GALNT15: variants seen among roughly 807,000 people sequenced by gnomAD.
GALNT15 encodes UDP-GalNAc transferase T15.
GALNT15 carries 67 observed loss-of-function variants against 66.8 expected under a neutral mutation model. The ratio of observed to expected loss-of-function variants is 1.00; its 90% CI spans 0.82 to 1.23. The LOEUF is 1.23. Among genes scored for constraint, GALNT15 ranks in the 50% most tolerant of loss-of-function variants. GALNT15 has a pLI of 0.00. For missense variants in GALNT15, 827 were observed against 804.3 expected, an observed-to-expected ratio of 1.03 and a Z score of -0.34; for synonymous variants, 313 against 311.5, an observed-to-expected ratio of 1.00 and a Z score of -0.05.
chr3:16,200,566 C>A lies in GALNT15; in HGVS notation c.707-53C>A. 7.2e-7 allele frequency: 1 copy of A among 1,383,658 alleles called. No individual in the cohort carries two copies. The highest frequency in any genetic ancestry group is 9.7e-7 in the Non-Finnish European group (1 of 1,031,050). The allele number at this position is 1,383,658 out of a possible 1,614,324, so 85.7% of individuals were successfully genotyped here. A position where few individuals can be genotyped will look rare whatever the true frequency, so the allele number is the denominator to read the frequency against. On this transcript the variant is annotated intron_variant, in intron 2 of 9. Transcript: ENST00000339732. The surrounding 1 kb of genome is among the most constrained non-coding windows in gnomAD (Gnocchi z 4.4). Reference sequence around the variant, plus strand: ...TGCTGACGATTGTCTTAGTCACAATCTCATCGGTTGTGGCATTTGTCATTC... The same window carrying A: ...TGCTGACGATTGTCTTAGTCACAATATCATCGGTTGTGGCATTTGTCATTC...
At chr3:16,244,957 T>G in the GALNT15 span, among the ~76,000 whole-genome samples, 4 of 152,202 alleles carry the variant, frequency 2.6e-5, no homozygotes, top group Non-Finnish European at 5.9e-5. Context: ...TCAGATCCCC[T>G]GAGCCCTGTG....
rs1299176297 is a variant in GALNT15 at position 16,224,998 on chromosome 3, A to G, written c.1773+2240A>G. ...AGAGACTGGGTAATTTATAAGAAAA[A>G]AGGTGTAATTGGCTCATGGTTCTGC... is the stretch of plus-strand genomic sequence containing the variant. On this transcript the variant is annotated intron_variant, in intron 9 of 9. Coordinates refer to ENST00000339732, the MANE Select transcript of GALNT15 (RefSeq NM_054110.5). The surrounding 1 kb of genome is among the most constrained non-coding windows in gnomAD (Gnocchi z 5.2). Among the ~76,000 whole-genome samples, 1 of 152,150 alleles carries G rather than the reference A, an allele frequency of 6.6e-6. No individual in the cohort carries two copies. Among genetic ancestry groups the G allele is most frequent in the Non-Finnish European group, 1.5e-5 (1 of 68,020 alleles).
At chr3:16,208,437 AG>A in intron 3 of GALNT15, 65 bp from the exon 4 acceptor site, 1 of 1,558,286 alleles carries the variant, frequency 6.4e-7, no homozygotes, top group South Asian at 1.2e-5. Context: ...GCCCATGTAC[AG>A]ACTGTTTCCA....
chr3:16,233,348 G>A (rs1514893), downstream of GALNT15, among the ~76,000 whole-genome samples: 83,646 of 151,218 alleles, frequency 0.55, 23,309 homozygotes, highest in South Asian at 0.69. Flanking sequence ...ACCCACCTCA[G>A]CCTCCCAAAG....
chr3:16,242,066 A>G, the GALNT15 span, among the ~76,000 whole-genome samples: 19 of 152,178 alleles, frequency 1.2e-4, no homozygotes, highest in African/African-American at 4.6e-4. The surrounding 1 kb of genome is among the most constrained non-coding windows in gnomAD (Gnocchi z 5.6). Flanking sequence ...TGTGGCAGCT[A>G]TCTTACACAG....
the GALNT15 span, among the ~76,000 whole-genome samples, chr3:16,238,930 C>A: frequency 2.5e-3 from 375 of 152,286 alleles, 1 homozygote; most frequent in Admixed American, 3.3e-3. The surrounding 1 kb of genome is among the most constrained non-coding windows in gnomAD (Gnocchi z 4.8). Context: ...TGAGGACAGG[C>A]AGTTCTGTGC....
chr3:16,237,059 A>G, the GALNT15 span, among the ~76,000 whole-genome samples: 2 of 152,246 alleles, frequency 1.3e-5, no homozygotes, highest in African/African-American at 4.8e-5. The surrounding 1 kb of genome is among the most constrained non-coding windows in gnomAD (Gnocchi z 4.2). Flanking sequence ...GCTAACACAC[A>G]AATCTTTTGT....
chr3:16,195,356 ACT>A lies in GALNT15; in HGVS notation c.540-401_540-400del, dbSNP rs1307140334. 3.9e-5 allele frequency among the ~76,000 whole-genome samples: 6 copies of A among 152,214 alleles called. No individual in the cohort carries two copies. In the East Asian group the frequency reaches 1.2e-3, roughly 29 times the overall value. ...CTTCAGCCCCACTCCATCTCCAGAA[ACT>A]CTGGGGGTGGGCCCTGCAGTCAGTA... On this transcript the variant is annotated intron_variant, in intron 1 of 9. Transcript: ENST00000339732. The surrounding 1 kb of genome is among the most constrained non-coding windows in gnomAD (Gnocchi z 4.6).
chr3:16,178,897 C>A lies in GALNT15; in HGVS notation c.539+3207C>A, dbSNP rs1248339672. ...CCAGCCACACATCCCCTTGCAATTCCATCCTTGACTCCTAAGCCAGACAAG... is the reference window on the plus strand; with the variant it reads ...CCAGCCACACATCCCCTTGCAATTCAATCCTTGACTCCTAAGCCAGACAAG... On this transcript the variant is annotated intron_variant, in intron 1 of 9. Transcript: ENST00000339732. Among the ~76,000 whole-genome samples, 4 of 152,214 alleles carry A rather than the reference C, an allele frequency of 2.6e-5. No individual in the cohort carries two copies. The East Asian group carries it at 7.7e-4, about 29-fold the overall frequency.
chr3:16,211,137 C>T lies in GALNT15; in HGVS notation c.1093C>T (p.Pro365Ser). ...PISPIRSPVVPGEVVAMDRHY... is the reference protein window; with the variant it reads ...PISPIRSPVVSGEVVAMDRHY... ...TTCTGTGTCCAGGAGCCCTGTGGTG[C>T]CCGGAGAGGTGGTGGCCATGGACAG... Residue 365 changes from proline to serine, a missense_variant, in exon 5 of 10, where the codon CCC becomes TCC. Pro to Ser is a moderately conservative substitution (Grantham distance 74, BLOSUM62 -1). Coordinates refer to ENST00000339732, the MANE Select transcript of GALNT15 (RefSeq NM_054110.5). This position sits in a 1 kb window ranked among gnomAD's most constrained non-coding sequence, Gnocchi z 4.3. The T allele has an allele frequency of 6.2e-7, 1 of 1,612,706 alleles. No individual in the cohort carries two copies. The highest frequency in any genetic ancestry group is 8.5e-7 in the Non-Finnish European group (1 of 1,178,824).
intron 3 of GALNT15, among the ~76,000 whole-genome samples, chr3:16,202,288 G>A (rs929608253): frequency 1.3e-5 from 2 of 152,194 alleles, no homozygotes; most frequent in African/African-American, 4.8e-5. Flanking sequence ...CATCTCATAA[G>A]AAAAGAAGAC....
intron 1 of GALNT15, among the ~76,000 whole-genome samples, chr3:16,178,818 G>A (rs1167055586): frequency 6.6e-6 from 1 of 152,216 alleles, no homozygotes; most frequent in Non-Finnish European, 1.5e-5. Flanking sequence ...GACCAGCAGA[G>A]CGCTAGGACA....
Position 16,219,781 on chromosome 3 carries a change from C to A in GALNT15, c.1525-129C>A. On this transcript the variant is annotated intron_variant, in intron 7 of 9. Coordinates refer to ENST00000339732, the MANE Select transcript of GALNT15 (RefSeq NM_054110.5). This position sits in a 1 kb window ranked among gnomAD's most constrained non-coding sequence, Gnocchi z 4.3. ...GTCAGTGGCTTCAGCTTTACCACAC[C>A]TGTTGTTGTGGCCTGAACAATGTGC... The A allele has an allele frequency of 1.1e-6, 1 of 902,300 alleles. No homozygotes were observed. Among genetic ancestry groups the A allele is most frequent in the Non-Finnish European group, 1.8e-6 (1 of 551,212 alleles). 55.9% of individuals were successfully genotyped at this position (902,300 alleles called of 1,614,324 possible). A position where few individuals can be genotyped will look rare whatever the true frequency, so the allele number is the denominator to read the frequency against.
chr3:16,247,694 C>A, the GALNT15 span, among the ~76,000 whole-genome samples: 1 of 152,236 alleles, frequency 6.6e-6, no homozygotes, highest in African/African-American at 2.4e-5. Context: ...AGCATCATTT[C>A]CTCTTGAAAT....
chr3:16,212,585 G>T lies in GALNT15; in HGVS notation c.1214G>T (p.Gly405Val), dbSNP rs1574990010. The change falls in exon 6 of 10, where the codon GGC becomes GTC. Residue 405 changes from glycine to valine, a missense_variant. By Grantham distance (109) the Gly-to-Val change is moderately radical. Coordinates refer to ENST00000339732, the MANE Select transcript of GALNT15 (RefSeq NM_054110.5). ...ELSFKAWLCG[G>V]SVEILPCSRV... The stretch of plus-strand genomic sequence containing the variant: ...TCGTGGCAGGCCTGGCTCTGTGGTG[G>T]CTCTGTTGAAATCCTTCCCTGCTCT... 2 of 1,613,574 alleles carry T rather than the reference G, an allele frequency of 1.2e-6. No individual in the cohort carries two copies. Among genetic ancestry groups the T allele is most frequent in the East Asian group, 2.2e-5 (1 of 44,860 alleles).
Position 16,220,200 on chromosome 3 carries a change from A to G in GALNT15, c.1629+186A>G. 2 of 599,736 alleles carry G rather than the reference A, an allele frequency of 3.3e-6. 1 individual carries two copies. Among genetic ancestry groups the G allele is most frequent in the Admixed American group, 5.7e-5 (2 of 34,972 alleles). 37.2% of individuals were successfully genotyped at this position (599,736 alleles called of 1,614,324 possible). A position where few individuals can be genotyped will look rare whatever the true frequency, so the allele number is the denominator to read the frequency against. On this transcript the variant is annotated intron_variant, in intron 8 of 9. Transcript: ENST00000339732. ...TCTCCTCACCTCACCTCCATCTGTAAGCACAGACATGTGCCATTGTCAGAA... is the reference window on the plus strand; with the variant it reads ...TCTCCTCACCTCACCTCCATCTGTAGGCACAGACATGTGCCATTGTCAGAA...
At chr3:16,213,651 A>G (rs1453579712) in intron 6 of GALNT15, among the ~76,000 whole-genome samples, 1 of 152,178 alleles carries the variant, frequency 6.6e-6, no homozygotes, top group East Asian at 1.9e-4. Context: ...TGGGGGCTCC[A>G]AAGACAAGAT....
chr3:16,219,890 G>T lies in GALNT15; in HGVS notation c.1525-20G>T. 6.4e-7 allele frequency: 1 copy of T among 1,570,452 alleles called. No homozygotes were observed. The highest frequency in any genetic ancestry group is 8.8e-7 in the Non-Finnish European group (1 of 1,141,024). On this transcript the variant is annotated intron_variant, in intron 7 of 9. Transcript: ENST00000339732. This position sits in a 1 kb window ranked among gnomAD's most constrained non-coding sequence, Gnocchi z 4.3. The stretch of plus-strand genomic sequence containing the variant: ...ACAGTGGAATCTGGAATTCACTCCT[G>T]TGTGTGTGTCCACTTTCAGCTCCAC...
intron 6 of GALNT15, among the ~76,000 whole-genome samples, chr3:16,216,595 A>T (rs2063881341): frequency 6.6e-6 from 1 of 151,970 alleles, no homozygotes; most frequent in African/African-American, 2.4e-5. Flanking sequence ...TTAAGTGCGC[A>T]GTTTGATTTT....
Sources: allele counts gnomAD v4.1 joint callset (sites outside exome capture counted in the v4.1 genomes callset), GRCh38; gene constraint gnomAD v4.1.1; non-coding constraint Gnocchi (gnomAD v3.1); transcripts MANE v1.5; gene names NCBI Gene and HGNC (gene_info 2026-07-23, HGNC 2026-07-21).